Variants in NDUFA5 observed in about 807,000 individuals in gnomAD.
The protein encoded by NDUFA5 is NADH:ubiquinone oxidoreductase subunit A5, also known as NADH dehydrogenase [ubiquinone] 1 alpha subcomplex subunit 5.
In NDUFA5, 11 loss-of-function variants were observed where a neutral mutation model predicts 19.8. The ratio of observed to expected loss-of-function variants is 0.56; its 90% CI spans 0.35 to 0.92. NDUFA5 has a LOEUF of 0.92. Ranked by LOEUF, NDUFA5 falls within the 40% of genes least tolerant of loss-of-function variation. The pLI, the probability that NDUFA5 is intolerant of heterozygous loss-of-function variation, is 0.01. For missense variants in NDUFA5, 109 were observed against 134.2 expected (o/e 0.81, Z 0.93); for synonymous variants, 47 against 46.8 (o/e 1.00, Z -0.01).
the NDUFA5 span, among the ~76,000 whole-genome samples, chr7:123,573,288 C>CTTTTTTT: frequency 8.5e-6 from 1 of 117,912 alleles, no homozygotes; most frequent in African/African-American, 3.2e-5. Context: ...TCTGGATTTG[C>CTTTTTTT]TTTTTTTTTT....
intron 2 of NDUFA5, among the ~76,000 whole-genome samples, 187 bp from the exon 3 acceptor site, chr7:123,550,773 T>C (rs990213285): frequency 3.3e-5 from 5 of 151,992 alleles, no homozygotes; most frequent in South Asian, 2.1e-4. Context: ...CTTTATAACT[T>C]AGGAAAAACC....
intron 2 of NDUFA5, chr7:123,557,197 C>T (rs997030468): frequency 2.7e-6 from 2 of 751,476 alleles, no homozygotes; most frequent in Non-Finnish European, 4.7e-6. Context: ...AGAAAACTGG[C>T]TTAATAAAGA....
intron 2 of NDUFA5, among the ~76,000 whole-genome samples, chr7:123,553,975 G>A (rs1355578417): frequency 1.3e-5 from 2 of 152,182 alleles, no homozygotes; most frequent in African/African-American, 2.4e-5. Flanking sequence ...ATTGGAAAAG[G>A]CAATTACATA....
the NDUFA5 span, chr7:123,584,995 A>G: frequency 6.6e-6 from 1 of 151,908 alleles, no homozygotes; most frequent in Admixed American, 6.6e-5. Flanking sequence ...TGATTCTAAG[A>G]GTCACCTGAA....
At chr7:123,583,605 C>A in the NDUFA5 span, among the ~76,000 whole-genome samples, 2 of 151,058 alleles carry the variant, frequency 1.3e-5, no homozygotes, top group East Asian at 3.9e-4. Flanking sequence ...AAATCAACAA[C>A]CCTTAGTCAT....
the NDUFA5 span, among the ~76,000 whole-genome samples, chr7:123,586,220 C>T: frequency 9.2e-5 from 14 of 151,878 alleles, no homozygotes; most frequent in Middle Eastern, 3.4e-3. Flanking sequence ...TTTTATTTCT[C>T]CACTTCATCA....
the NDUFA5 span, among the ~76,000 whole-genome samples, chr7:123,592,529 C>G: frequency 1.3e-5 from 2 of 152,132 alleles, no homozygotes; most frequent in Admixed American, 6.6e-5. Flanking sequence ...TTTCTGCCTT[C>G]ATTTTGTTAT....
the NDUFA5 span, among the ~76,000 whole-genome samples, chr7:123,594,705 C>G: frequency 6.6e-6 from 1 of 152,178 alleles, no homozygotes; most frequent in Non-Finnish European, 1.5e-5. Context: ...TCAGCCCCTA[C>G]TGGGAGGAGT....
chr7:123,595,736 A>G, the NDUFA5 span, among the ~76,000 whole-genome samples: 4 of 152,170 alleles, frequency 2.6e-5, no homozygotes, highest in African/African-American at 9.7e-5. Flanking sequence ...GGATCCTACC[A>G]TTCTTGACTT....
chr7:123,559,206 A>G (rs529438832), upstream of NDUFA5, among the ~76,000 whole-genome samples: 10 of 152,138 alleles, frequency 6.6e-5, no homozygotes, highest in African/African-American at 2.2e-4. Context: ...GATAAAGTAG[A>G]TAAAATGGCC....
At chr7:123,544,417 G>C (rs1402601939) in intron 4 of NDUFA5, among the ~76,000 whole-genome samples, 3 of 149,252 alleles carry the variant, frequency 2.0e-5, no homozygotes, top group African/African-American at 7.4e-5. Flanking sequence ...AGAATTGCTT[G>C]AACCCGGGAG....
chr7:123,550,683 C>A, intron 2 of NDUFA5, 97 bp from the exon 3 acceptor site: 1 of 648,186 alleles, frequency 1.5e-6, no homozygotes. Context: ...AAACTCACAT[C>A]TGTTTTTTTT....
chr7:123,546,531 C>T (rs1798139080), intron 3 of NDUFA5: 1 of 470,674 alleles, frequency 2.1e-6, no homozygotes, highest in Non-Finnish European at 3.4e-6. Flanking sequence ...TAGTTATTTT[C>T]TAGTAAACTG....
At chr7:123,574,140 G>T in the NDUFA5 span, among the ~76,000 whole-genome samples, 3 of 151,648 alleles carry the variant, frequency 2.0e-5, no homozygotes, top group Non-Finnish European at 4.4e-5. Flanking sequence ...ATGTTTTTTA[G>T]AATCATTTTT....
chr7:123,558,554 A>G (rs1798640090), upstream of NDUFA5, among the ~76,000 whole-genome samples: 1 of 152,228 alleles, frequency 6.6e-6, no homozygotes, highest in Non-Finnish European at 1.5e-5. Flanking sequence ...GCAAAGTGTG[A>G]TGGTACCAGG....
chr7:123,576,977 T>C, the NDUFA5 span, among the ~76,000 whole-genome samples: 1 of 152,206 alleles, frequency 6.6e-6, no homozygotes, highest in Non-Finnish European at 1.5e-5. Context: ...AGATGTCAAC[T>C]TTTGCAGCCG....
rs750286727 is a variant in NDUFA5, at chr7:123,557,431, T to TC, written c.38dup (p.Leu14IlefsTer20). ...CGTGAGGAGTATTGCACACAGCCAA[T>TC]CCCACAAGGCCAGTGGTCTGTTCAA... On this transcript the variant is annotated frameshift_variant, in exon 2 of 5. Coordinates refer to ENST00000355749, the MANE Select transcript of NDUFA5 (RefSeq NM_005000.5). LOFTEE classifies it high-confidence loss of function. The TC allele has an allele frequency of 3.1e-6, 5 of 1,613,040 alleles. No homozygotes were observed. In the East Asian group the frequency reaches 1.1e-4, roughly 36 times the overall value.
In NDUFA5 at chr7:123,550,685, GTTT is replaced by G; in HGVS notation, c.67-102_67-100del. The G allele has an allele frequency of 3.1e-5, 14 of 450,768 alleles. No homozygotes were observed. In the South Asian group the frequency reaches 3.8e-4, roughly 12 times the overall value. The allele number at this position is 450,768 out of a possible 1,614,324, so 27.9% of individuals were successfully genotyped here. ...GACAAAACAAACAAAACTCACATCT[GTTT>G]TTTTTTTTTGCTTTTTTTTTTTAAT... is the stretch of plus-strand genomic sequence containing the variant. On this transcript the variant is annotated intron_variant, in intron 2 of 4. Transcript: ENST00000355749.
the NDUFA5 span, among the ~76,000 whole-genome samples, chr7:123,580,440 C>G: frequency 6.6e-6 from 1 of 151,986 alleles, no homozygotes; most frequent in East Asian, 1.9e-4. Context: ...GCCACTTGAC[C>G]AAAAACTGCT....
Sources: gnomAD v4.1 joint callset for allele counts (sites outside exome capture counted in the v4.1 genomes callset) on GRCh38, gnomAD v4.1.1 for gene constraint, MANE v1.5 for transcripts, NCBI Gene and HGNC (gene_info 2026-07-23, HGNC 2026-07-21) for gene names.